HMGB1: variants seen among roughly 807,000 people sequenced by gnomAD.
The protein encoded by HMGB1 is high mobility group protein B1.
For synonymous variants in HMGB1, 81 were observed against 84.0 expected (o/e 0.96, Z 0.19); for missense variants, 79 against 253.5 (o/e 0.31, Z 4.67).
At chr13:30,598,152 T>C (rs1871700128) in intron 1 of HMGB1, among the ~76,000 whole-genome samples, 1 of 152,254 alleles carries the variant, frequency 6.6e-6, no homozygotes, top group South Asian at 2.1e-4. Flanking sequence ...TACCCCTGTG[T>C]TGTTTCTAAA....
intron 1 of HMGB1, chr13:30,464,233 C>G: frequency 2.0e-6 from 2 of 985,554 alleles, no homozygotes; most frequent in Non-Finnish European, 2.4e-6. Flanking sequence ...GCAGCCAGCT[C>G]CGGTGCTCGG....
intron 1 of HMGB1, among the ~76,000 whole-genome samples, chr13:30,583,916 G>T (rs1483005753): frequency 6.6e-6 from 1 of 151,762 alleles, no homozygotes; most frequent in Non-Finnish European, 1.5e-5. Flanking sequence ...GAGGGAGGAG[G>T]ATCACTTGAA....
chr13:30,493,862 C>T (rs1027092928), intron 1 of HMGB1, among the ~76,000 whole-genome samples: 4 of 151,934 alleles, frequency 2.6e-5, no homozygotes, highest in African/African-American at 9.7e-5. Flanking sequence ...CCTGTAATCC[C>T]AGCTGCTCAG....
intron 1 of HMGB1, 55 bp from the exon 2 acceptor site, chr13:30,463,749 C>T: frequency 8.8e-7 from 1 of 1,141,846 alleles, no homozygotes; most frequent in Non-Finnish European, 1.2e-6. Context: ...CATATAAGAC[C>T]TTAAAGTACT....
At chr13:30,529,668 T>C (rs772906036) in intron 1 of HMGB1, among the ~76,000 whole-genome samples, 3 of 152,132 alleles carry the variant, frequency 2.0e-5, no homozygotes, top group East Asian at 1.9e-4. Flanking sequence ...AAAAAGCACA[T>C]AGAGAATATT....
intron 1 of HMGB1, chr13:30,464,817 GGGCGC>G (rs1327864111): frequency 6.1e-6 from 1 of 163,292 alleles, no homozygotes; most frequent in Non-Finnish European, 1.2e-5. Flanking sequence ...GCGAGGGTGC[GGGCGC>G]GGCGGCGGCG....
intron 1 of HMGB1, among the ~76,000 whole-genome samples, chr13:30,537,467 A>G (rs1022789627): frequency 1.3e-5 from 2 of 151,904 alleles, no homozygotes; most frequent in African/African-American, 4.8e-5. Context: ...GAGAACTGCT[A>G]TTGTAATTTC....
At chr13:30,463,448 G>A (rs1266332193) in intron 2 of HMGB1, 83 bp downstream of exon 2, 30 of 1,534,686 alleles carry the variant, frequency 2.0e-5, no homozygotes, top group Middle Eastern at 3.5e-4. Flanking sequence ...CCCACTACGA[G>A]AATGCCAACT....
intron 1 of HMGB1, among the ~76,000 whole-genome samples, chr13:30,579,369 C>G (rs985357777): frequency 1.3e-5 from 2 of 152,148 alleles, no homozygotes; most frequent in African/African-American, 4.8e-5. Context: ...GTATATTGGA[C>G]TGGAATGTAA....
chr13:30,542,233 A>G, intron 1 of HMGB1: 1 of 189,208 alleles, frequency 5.3e-6, no homozygotes, highest in Non-Finnish European at 1.1e-5. Flanking sequence ...TCAATGCTTC[A>G]GCCTCAGGTT....
intron 1 of HMGB1, among the ~76,000 whole-genome samples, chr13:30,524,096 C>T (rs574292976): frequency 6.6e-6 from 1 of 151,890 alleles, no homozygotes; most frequent in South Asian, 2.1e-4. Context: ...GAACAGAAAA[C>T]CAAACACCAC....
At chr13:30,547,502 C>G (rs1481886257) in intron 1 of HMGB1, among the ~76,000 whole-genome samples, 2 of 152,156 alleles carry the variant, frequency 1.3e-5, no homozygotes, top group African/African-American at 2.4e-5. Context: ...CCAACCTTAA[C>G]CTGTGAATAT....
chr13:30,575,177 T>C (rs1048192698), intron 1 of HMGB1, among the ~76,000 whole-genome samples: 3 of 152,206 alleles, frequency 2.0e-5, no homozygotes, highest in Admixed American at 2.0e-4. Flanking sequence ...TTCATGCTTA[T>C]GTAGTTAGTA....
chr13:30,478,691 G>A lies in HMGB1; in HGVS notation c.-14-14997C>T, dbSNP rs190490325. ...TCTTTTTCTTTTCTTTTTTGAGACAGGTTCTTGCTCTGTTGCCCAGGCTGG... is the reference window on the plus strand; with the variant it reads ...TCTTTTTCTTTTCTTTTTTGAGACAAGTTCTTGCTCTGTTGCCCAGGCTGG... On this transcript the variant is annotated intron_variant, in intron 1 of 4. Coordinates refer to the HMGB1 transcript ENST00000405805. Among the ~76,000 whole-genome samples the A allele has an allele frequency of 5.7e-3, 862 of 152,102 alleles. 6 individuals are homozygous for A. The highest frequency in any genetic ancestry group is 7.7e-3 in the Non-Finnish European group (523 of 67,998).
chr13:30,539,321 T>G (rs957684477), intron 1 of HMGB1, among the ~76,000 whole-genome samples: 3 of 152,224 alleles, frequency 2.0e-5, no homozygotes, highest in Non-Finnish European at 4.4e-5. Flanking sequence ...CAGCCACTTA[T>G]TCTCACAGAG....
At chr13:30,462,430 A>G (rs1886410306) in intron 4 of HMGB1, 108 bp downstream of exon 4, 1 of 879,398 alleles carries the variant, frequency 1.1e-6, no homozygotes, top group African/African-American at 1.6e-5. Context: ...TATCAACACC[A>G]TACTTAATGT....
chr13:30,516,485 A>G (rs1212552076), intron 1 of HMGB1, among the ~76,000 whole-genome samples: 1 of 152,212 alleles, frequency 6.6e-6, no homozygotes, highest in Non-Finnish European at 1.5e-5. Context: ...CCATATATGT[A>G]TTTGTGCATT....
At position 30,462,337 on chromosome 13, in the gene HMGB1, C is replaced by G. The variant is rs182799583; in HGVS notation, c.471+201G>C. On this transcript the variant is annotated intron_variant, in intron 4 of 4. Coordinates refer to ENST00000341423, the MANE Select transcript of HMGB1 (RefSeq NM_002128.7). ...ACAAAACCAACATAAATGTACACAG[C>G]CTTTGTCTGAGTCTGATTACATTTT... 82 of 639,756 alleles carry G rather than the reference C, an allele frequency of 1.3e-4. 1 individual carries two copies. In the East Asian group the frequency reaches 2.2e-3, roughly 18 times the overall value. 39.6% of individuals were successfully genotyped at this position (639,756 alleles called of 1,614,324 possible). A position where few individuals can be genotyped will look rare whatever the true frequency, so the allele number is the denominator to read the frequency against.
rs188409018 is a variant in HMGB1, at chr13:30,457,401, C to T, written c.*3956G>A. The T allele has an allele frequency of 6.6e-6, 1 of 152,192 alleles. No homozygotes were observed. Among genetic ancestry groups the T allele is most frequent in the East Asian group, 1.9e-4 (1 of 5,198 alleles). 9.4% of individuals were successfully genotyped at this position (152,192 alleles called of 1,614,324 possible). On this transcript the variant is annotated 3_prime_UTR_variant, in exon 5 of 5. Transcript: ENST00000341423. ...TTGCAGATTTTATTCCTACTTCCTTCTTTTCAGTGGATGCCCAATAAATTC... is the reference window on the plus strand; with the variant it reads ...TTGCAGATTTTATTCCTACTTCCTTTTTTTCAGTGGATGCCCAATAAATTC...
Sources: allele counts gnomAD v4.1 joint callset (sites outside exome capture counted in the v4.1 genomes callset), GRCh38; gene constraint gnomAD v4.1.1; transcripts MANE v1.5; gene names NCBI Gene and HGNC (gene_info 2026-07-23, HGNC 2026-07-21).